PTPRM: variants seen among roughly 807,000 people sequenced by gnomAD.
The protein encoded by PTPRM is receptor-type tyrosine-protein phosphatase mu.
Under a neutral mutation model 186.7 loss-of-function variants are expected in PTPRM, and 47 were observed. The observed-to-expected ratio is 0.25, with a 90% CI of 0.20 to 0.32. The LOEUF (loss-of-function observed/expected upper bound fraction) is 0.32. Ranked by LOEUF, PTPRM falls within the 10% of genes least tolerant of loss-of-function variation. The pLI, the probability that PTPRM is intolerant of heterozygous loss-of-function variation, is 1.00. For synonymous variants in PTPRM, 668 were observed against 674.9 expected (o/e 0.99, Z 0.16); for missense variants, 1,494 against 1,865.0 (o/e 0.80, Z 3.66).
chr18:8,347,028 G>T (rs1256818331), intron 23 of PTPRM, among the ~76,000 whole-genome samples: 1 of 152,114 alleles, frequency 6.6e-6, no homozygotes, highest in Non-Finnish European at 1.5e-5. Context: ...CCCCTGAGAG[G>T]TATAGTCCCA....
intron 4 of PTPRM, among the ~76,000 whole-genome samples, chr18:7,920,795 GA>G (rs2050817070): frequency 6.6e-6 from 1 of 152,020 alleles, no homozygotes; most frequent in Non-Finnish European, 1.5e-5. Flanking sequence ...TAATAGTGAT[GA>G]ATTTTCTCAA....
At chr18:8,018,946 C>G (rs923813466) in intron 7 of PTPRM, among the ~76,000 whole-genome samples, 1 of 152,180 alleles carries the variant, frequency 6.6e-6, no homozygotes, top group African/African-American at 2.4e-5. Flanking sequence ...GACATTTGTG[C>G]TCACGTTAAT....
intron 2 of PTPRM, among the ~76,000 whole-genome samples, chr18:7,874,458 C>T (rs1222562478): frequency 3.3e-5 from 5 of 151,678 alleles, no homozygotes; most frequent in African/African-American, 1.2e-4. Flanking sequence ...AGTTATTTCC[C>T]TGGAAAGCTG....
chr18:8,337,954 A>G (rs2095449847), intron 22 of PTPRM, among the ~76,000 whole-genome samples: 1 of 152,226 alleles, frequency 6.6e-6, no homozygotes, highest in African/African-American at 2.4e-5. Flanking sequence ...TGGGGTTTAC[A>G]GTCTTCATAG....
At chr18:8,170,457 T>C (rs929731180) in intron 14 of PTPRM, among the ~76,000 whole-genome samples, 2 of 151,330 alleles carry the variant, frequency 1.3e-5, no homozygotes, top group Non-Finnish European at 1.5e-5. Context: ...CCATTCTCTC[T>C]GTGCAACAAG....
intron 3 of PTPRM, among the ~76,000 whole-genome samples, chr18:7,901,085 C>T (rs1321574188): frequency 6.6e-6 from 1 of 152,200 alleles, no homozygotes; most frequent in African/African-American, 2.4e-5. Flanking sequence ...CGGATGCTGG[C>T]ATTTTCAAAC....
At chr18:7,789,274 G>A (rs1228796752) in intron 2 of PTPRM, among the ~76,000 whole-genome samples, 2 of 152,110 alleles carry the variant, frequency 1.3e-5, no homozygotes, top group African/African-American at 2.4e-5. Context: ...GCAGCAAGCC[G>A]TGATTGTGCC....
intron 7 of PTPRM, among the ~76,000 whole-genome samples, chr18:7,974,802 C>T (rs150582838): frequency 2.6e-5 from 4 of 152,294 alleles, no homozygotes; most frequent in African/African-American, 4.8e-5. Context: ...CAATCTTTTA[C>T]GTCAATTAAG....
At chr18:7,901,291 G>A (rs2049666764) in intron 3 of PTPRM, among the ~76,000 whole-genome samples, 1 of 152,212 alleles carries the variant, frequency 6.6e-6, no homozygotes, top group African/African-American at 2.4e-5. Flanking sequence ...GTTCACAACA[G>A]TGGAACCTTG....
chr18:7,907,160 T>C (rs1290428800), intron 4 of PTPRM, among the ~76,000 whole-genome samples: 2 of 152,264 alleles, frequency 1.3e-5, no homozygotes, highest in Admixed American at 6.5e-5. Context: ...AACTAACAGT[T>C]TGTCATATTT....
chr18:7,902,931 A>C (rs1005876254), intron 3 of PTPRM, among the ~76,000 whole-genome samples: 1 of 151,826 alleles, frequency 6.6e-6, no homozygotes, highest in Non-Finnish European at 1.5e-5. Flanking sequence ...ACACATACAG[A>C]TCAACTTAAA....
intron 14 of PTPRM, among the ~76,000 whole-genome samples, chr18:8,206,248 T>TTTTTATTTTA (rs55773269): frequency 0.031 from 4,639 of 147,872 alleles, 341 homozygotes; most frequent in African/African-American, 0.11. Flanking sequence ...CAAGGCTGAA[T>TTTTTATTTTA]TTTTATTTTA....
rs116760402 is a variant in PTPRM, at chr18:8,235,849, C to T, written c.2301-8209C>T. 9.1e-3 allele frequency among the ~76,000 whole-genome samples: 1,379 copies of T among 152,156 alleles called. 21 individuals carry two copies. The highest frequency in any genetic ancestry group is 0.031 in the African/African-American group (1,293 of 41,538). ...TTTGACCTGTGTTTTACTTAACATG[C>T]ATCTTTTATCTTCCAAGTATTAGGG... On this transcript the variant is annotated intron_variant, in intron 14 of 32. Transcript: ENST00000580170.
chr18:7,786,513 T>G (rs2043102729), intron 2 of PTPRM, among the ~76,000 whole-genome samples: 1 of 152,210 alleles, frequency 6.6e-6, no homozygotes. Flanking sequence ...CATAAAAAAT[T>G]GAAATCCTTG....
chr18:8,174,952 A>G (rs2093460254), intron 14 of PTPRM, among the ~76,000 whole-genome samples: 1 of 152,240 alleles, frequency 6.6e-6, no homozygotes, highest in African/African-American at 2.4e-5. Flanking sequence ...CTGAATTAGT[A>G]AACTCAATAT....
intron 29 of PTPRM, 106 bp downstream of exon 29, chr18:8,380,533 C>G: frequency 3.0e-6 from 4 of 1,349,090 alleles, no homozygotes; most frequent in Non-Finnish European, 4.1e-6. Flanking sequence ...TGCCAGATCT[C>G]AAGTGCCAGT....
intron 5 of PTPRM, among the ~76,000 whole-genome samples, chr18:7,945,476 G>A (rs963744881): frequency 2.7e-5 from 4 of 150,102 alleles, no homozygotes; most frequent in Non-Finnish European, 5.9e-5. Context: ...AAAAAAAAAA[G>A]AGAATATGCA....
At chr18:8,032,722 G>A (rs888781528) in intron 7 of PTPRM, among the ~76,000 whole-genome samples, 2 of 152,036 alleles carry the variant, frequency 1.3e-5, no homozygotes, top group Admixed American at 6.6e-5. Context: ...ATATGTTATA[G>A]CTCAGTAGGA....
At chr18:7,778,757 G>A (rs926906944) in intron 2 of PTPRM, among the ~76,000 whole-genome samples, 49 of 152,246 alleles carry the variant, frequency 3.2e-4, no homozygotes, top group African/African-American at 1.0e-3. Context: ...TAGGATTACA[G>A]GCATGAGCCA....
Sources: allele counts gnomAD v4.1 joint callset (sites outside exome capture counted in the v4.1 genomes callset), GRCh38; gene constraint gnomAD v4.1.1; transcripts MANE v1.5; gene names NCBI Gene and HGNC (gene_info 2026-07-23, HGNC 2026-07-21).